The following NFX1 variants were observed in gnomAD, a reference collection of about 807,000 sequenced individuals.
The protein encoded by NFX1 is transcriptional repressor NF-X1.
A neutral mutation model predicts 137.2 loss-of-function variants in NFX1; 69 were observed. The ratio of observed to expected loss-of-function variants is 0.50; its 90% CI spans 0.41 to 0.61. NFX1 has a LOEUF of 0.61. Ranked by LOEUF, NFX1 falls within the 20% of genes least tolerant of loss-of-function variation. The pLI, the probability that NFX1 is intolerant of heterozygous loss-of-function variation, is 0.00. For synonymous variants in NFX1, 495 were observed against 474.1 expected (o/e 1.04, Z -0.57); for missense variants, 1,167 against 1,391.0 (o/e 0.84, Z 2.56).
At chr9:33,304,414 C>T (rs1821681803) in intron 4 of NFX1, among the ~76,000 whole-genome samples, 1 of 152,148 alleles carries the variant, frequency 6.6e-6, no homozygotes, top group African/African-American at 2.4e-5. Context: ...AGTAGCTCTT[C>T]CTGTTTGTTT....
chr9:33,343,516 G>T (rs1444756390), intron 13 of NFX1, among the ~76,000 whole-genome samples: 3 of 152,116 alleles, frequency 2.0e-5, no homozygotes, highest in African/African-American at 7.2e-5. Context: ...CAGGAGAAGG[G>T]AAGAGTATTT....
intron 15 of NFX1, among the ~76,000 whole-genome samples, chr9:33,350,645 G>C (rs896012741): frequency 6.6e-6 from 1 of 152,184 alleles, no homozygotes; most frequent in Non-Finnish European, 1.5e-5. Context: ...TAACCTTTCA[G>C]ACTTTGAAAA....
chr9:33,317,107 G>GT (rs1439376621), intron 7 of NFX1, among the ~76,000 whole-genome samples: 1 of 151,996 alleles, frequency 6.6e-6, no homozygotes, highest in Non-Finnish European at 1.5e-5. Flanking sequence ...GAACAAATGA[G>GT]TTTTAGAACG....
At chr9:33,330,230 G>A (rs1822753743) in intron 10 of NFX1, among the ~76,000 whole-genome samples, 1 of 152,330 alleles carries the variant, frequency 6.6e-6, no homozygotes, top group East Asian at 1.9e-4. Flanking sequence ...ATTTGTCCCA[G>A]TAGAGTACAA....
chr9:33,354,068 TTCTTTTTTA>T lies in NFX1; in HGVS notation c.2730-16_2730-8del, dbSNP rs1823733822. The stretch of plus-strand genomic sequence containing the variant: ...GAAACTGCAATGCCTCTTTTTCCCT[TTCTTTTTTA>T]TATTTCAGAATAGCTGCAATCTCCA... On this transcript the variant is annotated splice_polypyrimidine_tract_variant and intron_variant, in intron 17 of 23. Coordinates refer to ENST00000379540, the MANE Select transcript of NFX1 (RefSeq NM_002504.6). The T allele has an allele frequency of 6.4e-7, 1 of 1,565,070 alleles. No homozygotes were observed. The highest frequency in any genetic ancestry group is 8.7e-7 in the Non-Finnish European group (1 of 1,155,282).
chr9:33,299,666 C>T (rs1258461495), intron 2 of NFX1, among the ~76,000 whole-genome samples: 1 of 152,154 alleles, frequency 6.6e-6, no homozygotes, highest in Non-Finnish European at 1.5e-5. Flanking sequence ...CGAGCCTAAA[C>T]TTTGGTGACG....
In NFX1 at chr9:33,352,510, T is replaced by C. The variant is rs1265895867; in HGVS notation, c.2656-136T>C. The C allele has an allele frequency of 1.5e-5, 11 of 750,300 alleles. No individual in the cohort carries two copies. The East Asian group carries it at 2.4e-4, about 16-fold the overall frequency. The allele number at this position is 750,300 out of a possible 1,614,324, so 46.5% of individuals were successfully genotyped here. ...TGTCAGTTTGCATGTGTGGTTAGCT[T>C]CTTCCAGCTTGGAGAGTGGCCACCC... On this transcript the variant is annotated intron_variant, in intron 16 of 23. Transcript: ENST00000379540.
At chr9:33,332,921 C>T (rs940036230) in intron 11 of NFX1, among the ~76,000 whole-genome samples, 3 of 152,242 alleles carry the variant, frequency 2.0e-5, no homozygotes, top group African/African-American at 7.2e-5. Context: ...TCTCGGCTCA[C>T]TGCAACCTCC....
rs1364604719 is a variant in NFX1, at chr9:33,352,635, T to C, written c.2656-11T>C. On this transcript the variant is annotated splice_polypyrimidine_tract_variant and intron_variant, in intron 16 of 23. Transcript: ENST00000379540. ...TGTGCTAAAAGTCGTTCCATGTTCATCTGACTTCAGGTAGAGCTACAGTGT... is the reference window on the plus strand; with the variant it reads ...TGTGCTAAAAGTCGTTCCATGTTCACCTGACTTCAGGTAGAGCTACAGTGT... The C allele has an allele frequency of 6.2e-6, 10 of 1,613,668 alleles. No individual in the cohort carries two copies. The highest frequency in any genetic ancestry group is 8.5e-6 in the Non-Finnish European group (10 of 1,179,648).
chr9:33,352,510 T>G (rs1265895867), intron 16 of NFX1, 136 bp from the exon 17 acceptor site: 18 of 750,300 alleles, frequency 2.4e-5, no homozygotes, highest in Non-Finnish European at 4.1e-5. Context: ...GTGGTTAGCT[T>G]CTTCCAGCTT....
At chr9:33,319,668 C>T (rs756502240) in intron 9 of NFX1, among the ~76,000 whole-genome samples, 1 of 152,148 alleles carries the variant, frequency 6.6e-6, no homozygotes, top group South Asian at 2.1e-4. Context: ...CACCACCACG[C>T]CCGGCTAATT....
chr9:33,317,216 T>A (rs1355986678), intron 7 of NFX1, among the ~76,000 whole-genome samples: 1 of 151,496 alleles, frequency 6.6e-6, no homozygotes, highest in African/African-American at 2.4e-5. Context: ...CCCAGGAGTT[T>A]GAGACCAGCT....
At chr9:33,338,613 TCAGATTCCATTC>T (rs753018462) in intron 12 of NFX1, 24 bp downstream of exon 12, 1 of 1,556,466 alleles carries the variant, frequency 6.4e-7, no homozygotes, top group East Asian at 2.3e-5. Flanking sequence ...TTAGGCATAA[TCAGATTCCATTC>T]ATCCAGGTGC....
rs1823275001 is a variant in NFX1 at position 33,342,763 on chromosome 9, T to C, written c.2133T>C (p.Cys711=). 1 of 1,612,978 alleles carries C rather than the reference T, an allele frequency of 6.2e-7. No individual in the cohort carries two copies. The highest frequency in any genetic ancestry group is 2.2e-5 in the East Asian group (1 of 44,864). ...EICCVDKEHK[C]PLICGRKLRC... is the part of the protein sequence containing the mutation. Reference sequence around the variant, plus strand: ...TTTCCCAGGATAAGGAGCACAAGTGTCCTTTGATTTGTGGGAGGAAACTCC... The same window carrying C: ...TTTCCCAGGATAAGGAGCACAAGTGCCCTTTGATTTGTGGGAGGAAACTCC... Residue 711 remains cysteine (C), a synonymous_variant, in exon 13 of 24, where the codon TGT becomes TGC. Coordinates refer to ENST00000379540, the MANE Select transcript of NFX1 (RefSeq NM_002504.6).
At chr9:33,366,089 C>G (rs1349461126) in intron 21 of NFX1, 1 of 153,714 alleles carries the variant, frequency 6.5e-6, no homozygotes, top group Non-Finnish European at 1.4e-5. Flanking sequence ...TACCCTCTTC[C>G]CATTCCCCTC....
At chr9:33,325,224 G>A (rs553303394) in intron 9 of NFX1, among the ~76,000 whole-genome samples, 1 of 152,310 alleles carries the variant, frequency 6.6e-6, no homozygotes, top group African/African-American at 2.4e-5. Flanking sequence ...ATGATAAGGA[G>A]AAAGTCTTGA....
At chr9:33,331,940 A>G (rs1388308364) in intron 10 of NFX1, among the ~76,000 whole-genome samples, 2 of 152,190 alleles carry the variant, frequency 1.3e-5, no homozygotes, top group African/African-American at 4.8e-5. Context: ...GACCACTCAC[A>G]TGTAGTGGAA....
At chr9:33,311,570 T>G (rs77746257) in intron 6 of NFX1, among the ~76,000 whole-genome samples, 122 of 152,264 alleles carry the variant, frequency 8.0e-4, no homozygotes, top group African/African-American at 2.8e-3. Flanking sequence ...TTTTTTTTTT[T>G]GAGACGGAGT....
chr9:33,312,452 C>G (rs539752359), intron 6 of NFX1, among the ~76,000 whole-genome samples: 1 of 152,328 alleles, frequency 6.6e-6, no homozygotes, highest in Non-Finnish European at 1.5e-5. Context: ...ATAACAGTGA[C>G]TTTTAAAAAC....
Sources: allele counts gnomAD v4.1 joint callset (sites outside exome capture counted in the v4.1 genomes callset), GRCh38; gene constraint gnomAD v4.1.1; transcripts MANE v1.5; gene names NCBI Gene and HGNC (gene_info 2026-07-23, HGNC 2026-07-21).